The following CADPS2 variants were observed in gnomAD, a reference collection of about 807,000 sequenced individuals.
The protein encoded by CADPS2 is calcium-dependent secretion activator 2.
Under a neutral mutation model 172.5 loss-of-function variants are expected in CADPS2, and 93 were observed. The ratio of observed to expected loss-of-function variants is 0.54; its 90% CI spans 0.46 to 0.64. The LOEUF is 0.64. CADPS2 is among the 30% of genes least tolerant of loss of function. The probability of loss-of-function intolerance (pLI) is 0.00; values close to 1 mark genes in which losing one functional copy is unlikely to be tolerated. For synonymous variants in CADPS2, 546 were observed against 555.2 expected (o/e 0.98, Z 0.23); for missense variants, 1,420 against 1,565.9 (o/e 0.91, Z 1.57).
At chr7:122,865,548 C>T (rs1818087547) in intron 1 of CADPS2, among the ~76,000 whole-genome samples, 1 of 152,202 alleles carries the variant, frequency 6.6e-6, no homozygotes, top group African/African-American at 2.4e-5. Context: ...TCAGCAGTCT[C>T]TGGCTTGTAT....
chr7:122,835,201 C>T (rs1807977338), intron 1 of CADPS2, among the ~76,000 whole-genome samples: 1 of 152,196 alleles, frequency 6.6e-6, no homozygotes, highest in Non-Finnish European at 1.5e-5. Flanking sequence ...CCACAAACTC[C>T]AACAGACCTG....
chr7:122,755,265 TC>T (rs1385127669), intron 1 of CADPS2, among the ~76,000 whole-genome samples: 1 of 152,322 alleles, frequency 6.6e-6, no homozygotes, highest in East Asian at 1.9e-4. Flanking sequence ...CATGCTGACG[TC>T]TTTCCTTAAT....
intron 1 of CADPS2, among the ~76,000 whole-genome samples, chr7:122,795,964 T>C (rs536807919): frequency 2.6e-5 from 4 of 152,154 alleles, no homozygotes; most frequent in South Asian, 4.1e-4. Context: ...GAAAACCCCA[T>C]AGCATCAGCC....
intron 9 of CADPS2, among the ~76,000 whole-genome samples, chr7:122,496,454 G>A (rs1392745600): frequency 6.6e-6 from 1 of 151,984 alleles, no homozygotes; most frequent in African/African-American, 2.4e-5. Flanking sequence ...GAGTCACCAC[G>A]CCTGGCCTTG....
intron 1 of CADPS2, among the ~76,000 whole-genome samples, chr7:122,860,781 C>A (rs1442972682): frequency 6.6e-6 from 1 of 152,094 alleles, no homozygotes; most frequent in East Asian, 1.9e-4. Flanking sequence ...ATACTCTCTA[C>A]TTCTATGAGA....
chr7:122,728,031 A>C (rs6972849), intron 2 of CADPS2, among the ~76,000 whole-genome samples: 150,684 of 151,920 alleles, frequency 0.99, 74,737 homozygotes, highest in East Asian at 1. Flanking sequence ...TTAGCGATCA[A>C]CAACTCACTA....
At chr7:122,676,380 G>A (rs1275107016) in intron 2 of CADPS2, among the ~76,000 whole-genome samples, 3 of 152,090 alleles carry the variant, frequency 2.0e-5, no homozygotes, top group African/African-American at 7.2e-5. Context: ...CATGTCTTTT[G>A]CCACAAGTAA....
chr7:122,678,266 A>C (rs1015951188), intron 2 of CADPS2, among the ~76,000 whole-genome samples: 3 of 152,232 alleles, frequency 2.0e-5, no homozygotes, highest in African/African-American at 7.2e-5. Flanking sequence ...CTGTAGGTAC[A>C]AGAAGTCACT....
intron 27 of CADPS2, among the ~76,000 whole-genome samples, chr7:122,356,722 T>C (rs753769679): frequency 2.0e-5 from 3 of 152,240 alleles, no homozygotes; most frequent in Non-Finnish European, 4.4e-5. Context: ...TATAATCCAA[T>C]ATTACTTTAC....
chr7:122,852,581 G>A (rs1584931710), intron 1 of CADPS2, among the ~76,000 whole-genome samples: 1 of 152,092 alleles, frequency 6.6e-6, no homozygotes, highest in East Asian at 1.9e-4. Context: ...AGGAGGTGAG[G>A]GAGAGATGCC....
Position 122,320,310 on chromosome 7 carries a change from C to A in CADPS2, c.3746G>T (p.Gly1249Val). The A allele has an allele frequency of 6.2e-7, 1 of 1,602,366 alleles. No individual in the cohort carries two copies. The highest frequency in any genetic ancestry group is 8.5e-7 in the Non-Finnish European group (1 of 1,174,582). ...ACTGTTCAGTGTTCCTTCCAACACACCCTGCAATCGAAAGTCCCTGTAGGT... is the reference window on the plus strand; with the variant it reads ...ACTGTTCAGTGTTCCTTCCAACACAACCTGCAATCGAAAGTCCCTGTAGGT... ...KKTYRDFRLQ[G>V]VLEGTLNSKT... The change falls in exon 30 of 30, where the codon GGT (glycine) becomes GTT (valine). Residue 1249 changes from glycine (G) to valine (V), a missense_variant. By Grantham distance (109) the Gly-to-Val change is moderately radical. Coordinates refer to ENST00000449022, the MANE Select transcript of CADPS2 (RefSeq NM_017954.11).
chr7:122,576,177 G>T (rs956074700), intron 7 of CADPS2, among the ~76,000 whole-genome samples: 5 of 152,058 alleles, frequency 3.3e-5, no homozygotes, highest in Admixed American at 2.0e-4. Flanking sequence ...CAATTATCCT[G>T]TATAATGTCA....
intron 8 of CADPS2, among the ~76,000 whole-genome samples, chr7:122,524,886 C>T (rs1051440662): frequency 2.6e-5 from 4 of 152,116 alleles, no homozygotes; most frequent in South Asian, 2.1e-4. Context: ...TGGTGGTTCA[C>T]GCCTATAATC....
rs2080840638 is a variant in CADPS2, at chr7:122,663,495, T to A, written c.528A>T (p.Val176=). The stretch of plus-strand genomic sequence containing the variant: ...CACGTTTTTCTATGTTTTTCTTAAA[T>A]ACTTCTCTGAAGTCATTAGCAGAAC... ...GGCSANDFRE[V]FKKNIEKRVR... Residue 176 remains valine (V), a synonymous_variant, in exon 3 of 30, where the codon GTA becomes GTT. Transcript: ENST00000449022. The A allele has an allele frequency of 6.2e-7, 1 of 1,613,122 alleles. No individual in the cohort carries two copies. The highest frequency in any genetic ancestry group is 1.7e-5 in the Admixed American group (1 of 59,840).
At chr7:122,643,559 A>G (rs2077935845) in intron 3 of CADPS2, among the ~76,000 whole-genome samples, 2 of 152,214 alleles carry the variant, frequency 1.3e-5, no homozygotes, top group Admixed American at 6.5e-5. Context: ...GCTTTCAAGC[A>G]TCTCACAATG....
At chr7:122,583,535 A>C (rs2069142095) in intron 6 of CADPS2, among the ~76,000 whole-genome samples, 1 of 151,784 alleles carries the variant, frequency 6.6e-6, no homozygotes. Flanking sequence ...TAGGTAAAAA[A>C]AATTCCCATA....
chr7:122,568,097 C>G (rs2066701790), intron 7 of CADPS2, among the ~76,000 whole-genome samples: 1 of 151,858 alleles, frequency 6.6e-6, no homozygotes, highest in African/African-American at 2.4e-5. Context: ...CATGCTAATA[C>G]TAGTCAAAAG....
chr7:122,609,993 A>T (rs889366447), intron 6 of CADPS2, among the ~76,000 whole-genome samples: 5 of 152,172 alleles, frequency 3.3e-5, no homozygotes, highest in Admixed American at 6.5e-5. Context: ...CATTCATGAG[A>T]TACCTTTTTA....
intron 28 of CADPS2, among the ~76,000 whole-genome samples, chr7:122,326,008 AAAG>A (rs1471648847): frequency 6.6e-6 from 1 of 152,034 alleles, no homozygotes; most frequent in African/African-American, 2.4e-5. Context: ...TAAAAATCAA[AAAG>A]AAGATGTGTT....
Sources: allele counts gnomAD v4.1 joint callset (sites outside exome capture counted in the v4.1 genomes callset), GRCh38; gene constraint gnomAD v4.1.1; transcripts MANE v1.5; gene names NCBI Gene and HGNC (gene_info 2026-07-23, HGNC 2026-07-21).